The following TUT4 variants were observed in gnomAD, a reference collection of about 807,000 sequenced individuals.
TUT4 encodes terminal uridylyl transferase 4.
Under a neutral mutation model 192.2 loss-of-function variants are expected in TUT4, and 36 were observed. The ratio of observed to expected loss-of-function variants is 0.19; its 90% CI spans 0.14 to 0.25. The LOEUF (loss-of-function observed/expected upper bound fraction) is 0.25. TUT4 is among the 10% of genes least tolerant of loss of function. TUT4 has a pLI of 1.00. For missense variants in TUT4, 1,493 were observed against 1,957.2 expected (o/e 0.76, Z 4.47); for synonymous variants, 618 against 666.0 (o/e 0.93, Z 1.11).
chr1:52,496,812 A>C (rs576589378), intron 5 of TUT4, among the ~76,000 whole-genome samples, 194 bp downstream of exon 5: 2 of 141,748 alleles, frequency 1.4e-5, no homozygotes, highest in South Asian at 2.1e-4. Context: ...TTCTTAGTAC[A>C]AAAGTGTGCT....
chr1:52,456,411 C>CAAAAAAAAAAAAAAAAA (rs1157223640), intron 20 of TUT4, among the ~76,000 whole-genome samples: 2 of 12,000 alleles, frequency 1.7e-4, no homozygotes, highest in Non-Finnish European at 2.2e-4. Flanking sequence ...GACTGTGTCT[C>CAAAAAAAAAAAAAAAAA]AAAAAAAAAA....
At chr1:52,491,906 A>AATAT (rs1234513730) in intron 7 of TUT4, among the ~76,000 whole-genome samples, 1 of 152,224 alleles carries the variant, frequency 6.6e-6, no homozygotes, top group Non-Finnish European at 1.5e-5. Context: ...ACAAATATAT[A>AATAT]AACATATAAA....
chr1:52,460,975 C>A (rs1662393416), intron 19 of TUT4, 159 bp downstream of exon 19: 3 of 470,142 alleles, frequency 6.4e-6, no homozygotes, highest in Non-Finnish European at 7.3e-6. Flanking sequence ...AGCCACCCTA[C>A]TCTGATAGGT....
At chr1:52,543,977 G>A (rs551119029) in intron 1 of TUT4, among the ~76,000 whole-genome samples, 4 of 151,872 alleles carry the variant, frequency 2.6e-5, no homozygotes, top group Admixed American at 6.6e-5. Flanking sequence ...CTTCCTAGTC[G>A]CAAAACTTAC....
At chr1:52,510,307 T>C (rs1676769196) in intron 3 of TUT4, among the ~76,000 whole-genome samples, 1 of 136,244 alleles carries the variant, frequency 7.3e-6, no homozygotes, top group African/African-American at 3.0e-5. Context: ...AGAGCAAGAC[T>C]TCGTATTAAC....
chr1:52,459,664 G>T lies in TUT4; in HGVS notation c.3322-1215C>A, dbSNP rs547700686. Among the ~76,000 whole-genome samples the T allele has an allele frequency of 2.9e-3, 447 of 151,752 alleles. 3 individuals carry two copies. The highest frequency in any genetic ancestry group is 7.5e-3 in the Admixed American group (115 of 15,252). ...ACTTTGGGAGGCCGAGGCGGGCGGA[G>T]GAGGTCAGGAGTTCAAGACCAGCCT... On this transcript the variant is annotated intron_variant, in intron 19 of 29. Transcript: ENST00000257177.
intron 4 of TUT4, among the ~76,000 whole-genome samples, chr1:52,503,523 G>C (rs1027132740): frequency 1.3e-5 from 2 of 151,958 alleles, no homozygotes; most frequent in African/African-American, 4.8e-5. Context: ...TAGTTCTAAA[G>C]CAGAAACTGT....
chr1:52,441,275 C>T (rs1655431455), intron 24 of TUT4, among the ~76,000 whole-genome samples: 2 of 143,294 alleles, frequency 1.4e-5, no homozygotes, highest in Admixed American at 7.1e-5. Context: ...AAGTGCAGGG[C>T]ATATGGCTTT....
chr1:52,497,525 T>A (rs1557853716), intron 4 of TUT4, among the ~76,000 whole-genome samples: 1 of 152,258 alleles, frequency 6.6e-6, no homozygotes, highest in Admixed American at 6.5e-5. Context: ...TTGTCTTAGA[T>A]GTAGCAGAAA....
At chr1:52,550,780 T>C (rs916569740) in intron 1 of TUT4, among the ~76,000 whole-genome samples, 5 of 152,226 alleles carry the variant, frequency 3.3e-5, no homozygotes, top group African/African-American at 1.2e-4. Context: ...CAGGCGTGAG[T>C]GAGCCACCTG....
At chr1:52,538,860 C>A (rs1397243822) in intron 1 of TUT4, among the ~76,000 whole-genome samples, 2 of 151,962 alleles carry the variant, frequency 1.3e-5, no homozygotes, top group Non-Finnish European at 2.9e-5. Context: ...TACTTACCAC[C>A]AAGTTAAAGA....
chr1:52,461,817 C>A (rs934194718), intron 16 of TUT4, 48 bp from the exon 17 acceptor site: 2 of 1,083,340 alleles, frequency 1.8e-6, no homozygotes, highest in Admixed American at 5.4e-5. Context: ...TCACCTTGTG[C>A]AAATTCTACT....
intron 17 of TUT4, 27 bp from the exon 18 acceptor site, chr1:52,461,643 A>G: frequency 1.3e-6 from 2 of 1,573,190 alleles, no homozygotes; most frequent in Non-Finnish European, 1.7e-6. Context: ...AGACTTCAGT[A>G]GGTTAAATAA....
chr1:52,511,965 G>GCTTAGT (rs1490883788), intron 3 of TUT4, among the ~76,000 whole-genome samples: 2 of 151,784 alleles, frequency 1.3e-5, no homozygotes, highest in Non-Finnish European at 2.9e-5. Flanking sequence ...GGTGAGAGTG[G>GCTTAGT]TGAAGGTGGT....
intron 24 of TUT4, among the ~76,000 whole-genome samples, chr1:52,441,731 T>C (rs1655640031): frequency 6.6e-6 from 1 of 152,148 alleles, no homozygotes; most frequent in African/African-American, 2.4e-5. Flanking sequence ...GACTGTACTA[T>C]ATACTTAAAA....
rs151011097 is a variant in TUT4 at position 52,552,282 on chromosome 1, A to C, written c.-94+649T>G. On this transcript the variant is annotated intron_variant, in intron 1 of 29. Transcript: ENST00000257177. ...GAAACCCTTCGCAGAGGCGTGCAAC[A>C]CACTAGGAGAGCGCTATCTGTTTAC... Among the ~76,000 whole-genome samples the C allele has an allele frequency of 1.1e-3, 163 of 152,320 alleles. 1 individual carries two copies. Among genetic ancestry groups the C allele is most frequent in the African/African-American group, 3.7e-3 (153 of 41,566 alleles).
intron 20 of TUT4, among the ~76,000 whole-genome samples, chr1:52,454,754 A>T (rs925627660): frequency 6.6e-6 from 1 of 152,216 alleles, no homozygotes; most frequent in African/African-American, 2.4e-5. Context: ...GCTCTGCAAA[A>T]GACAACGTCA....
intron 13 of TUT4, among the ~76,000 whole-genome samples, chr1:52,472,544 AAATT>A (rs1666034675): frequency 6.6e-6 from 1 of 151,172 alleles, no homozygotes; most frequent in African/African-American, 2.4e-5. Context: ...TTGGTTTATT[AAATT>A]AATAAATTAA....
Position 52,526,130 on chromosome 1 carries a change from T to C in TUT4, c.151A>G (p.Asn51Asp), listed in dbSNP as rs763529272. ...TTATTTTTTTTACTACTATTCCTAT[T>C]TGGAGAGCTGTTCTCAATTTCTTTT... Reference protein sequence around the residue: ...SVKEIENSSPNRNSSKKNKQN... With the variant: ...SVKEIENSSPDRNSSKKNKQN... The change falls in exon 2 of 30, where the codon AAT becomes GAT. Residue 51 changes from asparagine to aspartate, a missense_variant. Asn to Asp is a conservative substitution (Grantham distance 23, BLOSUM62 1). Coordinates refer to ENST00000257177, the MANE Select transcript of TUT4 (RefSeq NM_001009881.3). The C allele has an allele frequency of 6.2e-7, 1 of 1,612,656 alleles. No individual in the cohort carries two copies. Among genetic ancestry groups the C allele is most frequent in the African/African-American group, 1.3e-5 (1 of 75,002 alleles).
Sources: allele counts gnomAD v4.1 joint callset (sites outside exome capture counted in the v4.1 genomes callset), GRCh38; gene constraint gnomAD v4.1.1; transcripts MANE v1.5; gene names NCBI Gene and HGNC (gene_info 2026-07-23, HGNC 2026-07-21).